Variants in UGT1A4 observed in about 807,000 individuals in gnomAD.
UGT1A4 encodes the protein UDP glucuronosyltransferase family 1 member A4.
Under a neutral mutation model 41.1 loss-of-function variants are expected in UGT1A4, and 32 were observed. The observed-to-expected ratio is 0.78, with a 90% CI of 0.59 to 1.05. The LOEUF (loss-of-function observed/expected upper bound fraction) is 1.05, where lower values mean the gene tolerates loss of function less well. Among genes scored for constraint, UGT1A4 ranks in the 50% least tolerant of loss-of-function variants. UGT1A4 has a pLI of 0.00. For missense variants in UGT1A4, 748 were observed against 677.4 expected (o/e 1.10, Z -1.16); for synonymous variants, 283 against 265.1 (o/e 1.07, Z -0.66).
At chr2:233,725,941 G>A (rs1261379461) in intron 1 of UGT1A4, among the ~76,000 whole-genome samples, 2 of 152,166 alleles carry the variant, frequency 1.3e-5, no homozygotes, top group East Asian at 3.8e-4. Flanking sequence ...TGATGCAGGA[G>A]GATTGTTTGA....
Position 233,719,679 on chromosome 2 carries a change from C to T in UGT1A4, c.859C>T (p.Leu287=), listed in dbSNP as rs781186031. Residue 287 remains leucine (L), a synonymous_variant, in exon 1 of 5, where the codon CTA becomes TTA. Coordinates refer to ENST00000373409, the MANE Select transcript of UGT1A4 (RefSeq NM_007120.3). Reference sequence around the variant, plus strand: ...CATCAACTGTGCCAACGGGAAGCCACTATCTCAGGTCTGTATTGGTGCCTT... The same window carrying T: ...CATCAACTGTGCCAACGGGAAGCCATTATCTCAGGTCTGTATTGGTGCCTT... The part of the protein sequence containing the change: ...GGINCANGKP[L]SQEFEAYINA... 6.2e-7 allele frequency: 1 copy of T among 1,613,946 alleles called. No homozygotes were observed. The highest frequency in any genetic ancestry group is 8.5e-7 in the Non-Finnish European group (1 of 1,179,950).
At chr2:233,740,578 C>T (rs1384729734) in intron 1 of UGT1A4, 2 of 151,846 alleles carry the variant, frequency 1.3e-5, no homozygotes, top group South Asian at 4.1e-4. Flanking sequence ...TTTTTTGGGA[C>T]CCTAATGAAA....
At chr2:233,720,293 G>T (rs1340833186) in intron 1 of UGT1A4, among the ~76,000 whole-genome samples, 1 of 152,182 alleles carries the variant, frequency 6.6e-6, no homozygotes, top group Non-Finnish European at 1.5e-5. Flanking sequence ...CTGACCAGGA[G>T]TTGGGGGTCT....
intron 1 of UGT1A4, among the ~76,000 whole-genome samples, chr2:233,735,584 T>C (rs2078671129): frequency 6.6e-6 from 1 of 152,234 alleles, no homozygotes; most frequent in Admixed American, 6.5e-5. Context: ...GCCCGTTAAT[T>C]GATGCAGTTT....
At chr2:233,724,379 C>G (rs1274419342) in intron 1 of UGT1A4, among the ~76,000 whole-genome samples, 1 of 145,692 alleles carries the variant, frequency 6.9e-6, no homozygotes, top group South Asian at 2.4e-4. Context: ...GGCTGCCGGG[C>G]GGAGACGCTC....
At chr2:233,758,140 G>C (rs572849917) in intron 1 of UGT1A4, among the ~76,000 whole-genome samples, 1 of 152,156 alleles carries the variant, frequency 6.6e-6, no homozygotes, top group African/African-American at 2.4e-5. Context: ...GGCAGATGAG[G>C]GAATTAGCAA....
At chr2:233,721,840 G>A in intron 1 of UGT1A4, 1 of 515,588 alleles carries the variant, frequency 1.9e-6, no homozygotes, top group Non-Finnish European at 3.9e-6. Flanking sequence ...CCGACCTTGT[G>A]TCCAGCCCCA....
At chr2:233,745,739 A>G (rs1329170032) in intron 1 of UGT1A4, among the ~76,000 whole-genome samples, 2 of 141,886 alleles carry the variant, frequency 1.4e-5, no homozygotes, top group African/African-American at 2.7e-5. Flanking sequence ...AGGCAGAGGG[A>G]GGGGGCAAGC....
chr2:233,761,044 G>C (rs1697654904), intron 1 of UGT1A4: 3 of 1,614,190 alleles, frequency 1.9e-6, no homozygotes, highest in Non-Finnish European at 2.5e-6. Flanking sequence ...CTCTGCATCT[G>C]TCTGGCTGTT....
chr2:233,744,522 T>A (rs1292521723), intron 1 of UGT1A4, among the ~76,000 whole-genome samples: 2 of 151,918 alleles, frequency 1.3e-5, no homozygotes, highest in Non-Finnish European at 2.9e-5. Context: ...CAATAGCAAA[T>A]CTTATTTTTA....
chr2:233,763,526 C>T (rs17864704), intron 1 of UGT1A4, among the ~76,000 whole-genome samples: 1 of 152,330 alleles, frequency 6.6e-6, no homozygotes, highest in Non-Finnish European at 1.5e-5. Flanking sequence ...TTGCCATTCT[C>T]CTTTTTCCGG....
intron 1 of UGT1A4, chr2:233,760,677 A>G (rs555950591): frequency 6.2e-7 from 1 of 1,614,148 alleles, no homozygotes; most frequent in Non-Finnish European, 8.5e-7. Context: ...GTTCCCACTT[A>G]CTGCACAACA....
chr2:233,720,278 T>A (rs1449886876), intron 1 of UGT1A4, among the ~76,000 whole-genome samples: 2 of 151,854 alleles, frequency 1.3e-5, no homozygotes. Flanking sequence ...CTGAGAAAAG[T>A]TTTTCTGACC....
chr2:233,768,209 T>C lies in UGT1A4; in HGVS notation c.1088-11T>C, dbSNP rs765320155. 1 of 1,614,150 alleles carries C rather than the reference T, an allele frequency of 6.2e-7. No individual in the cohort carries two copies. Among genetic ancestry groups the C allele is most frequent in the Admixed American group, 1.7e-5 (1 of 60,012 alleles). On this transcript the variant is annotated splice_polypyrimidine_tract_variant and intron_variant, in intron 3 of 4. Transcript: ENST00000373409. ...TGTAACTGCTGACATCCTCCCTATT[T>C]TGCATCTCAGGTCACCCGATGACCC...
chr2:233,749,787 A>C (rs1694273187), intron 1 of UGT1A4, among the ~76,000 whole-genome samples: 1 of 151,760 alleles, frequency 6.6e-6, no homozygotes, highest in African/African-American at 2.4e-5. Context: ...ATAAGGGGCC[A>C]TTGTCCCTTC....
In UGT1A4 at chr2:233,769,761, G is replaced by C; in HGVS notation, c.1307+1322G>C. 7.1e-6 allele frequency: 10 copies of C among 1,414,228 alleles called. No homozygotes were observed. The highest frequency in any genetic ancestry group is 9.3e-6 in the Non-Finnish European group (10 of 1,080,644). 87.6% of individuals were successfully genotyped at this position (1,414,228 alleles called of 1,614,324 possible). A position where few individuals can be genotyped will look rare whatever the true frequency, so the allele number is the denominator to read the frequency against. On this transcript the variant is annotated intron_variant, in intron 4 of 4. Transcript: ENST00000373409. The surrounding 1 kb of genome is among the most constrained non-coding windows in gnomAD (Gnocchi z 4.4). ...TCCCAGCCACTCTGGAGGCTAAGGC[G>C]GGAGGATTGCTTGAGCCCAGAAGTT...
intron 1 of UGT1A4, chr2:233,755,039 G>A (rs1047792650): frequency 3.8e-6 from 5 of 1,321,018 alleles, no homozygotes; most frequent in Non-Finnish European, 5.1e-6. Flanking sequence ...TGCCGCCTGC[G>A]CAGCCGCCCT....
intron 1 of UGT1A4, among the ~76,000 whole-genome samples, chr2:233,750,198 C>T (rs914711353): frequency 6.6e-6 from 1 of 151,796 alleles, no homozygotes; most frequent in African/African-American, 2.4e-5. Context: ...ACAATGAAGT[C>T]CAGGCTGAGT....
Position 233,768,582 on chromosome 2 carries a change from C to T in UGT1A4, c.1307+143C>T, listed in dbSNP as rs1179813397. On this transcript the variant is annotated intron_variant, in intron 4 of 4. Transcript: ENST00000373409. ...ATAAAAATCTGGATTTTTATTTCTT[C>T]TTTTTTTTTTTTTTTTTTTTTTGAG... 4.6e-4 allele frequency: 475 copies of T among 1,032,668 alleles called. No homozygotes were observed. In the East Asian group the frequency reaches 5.3e-3, roughly 12 times the overall value. The allele number at this position is 1,032,668 out of a possible 1,614,324, so 64.0% of individuals were successfully genotyped here.
Sources: gnomAD v4.1 joint callset for allele counts (sites outside exome capture counted in the v4.1 genomes callset) on GRCh38, gnomAD v4.1.1 for gene constraint, Gnocchi (gnomAD v3.1) non-coding constraint, MANE v1.5 for transcripts, NCBI Gene and HGNC (gene_info 2026-07-23, HGNC 2026-07-21) for gene names.